Variants in EXPH5 observed in about 807,000 individuals in gnomAD.
The protein encoded by EXPH5 is exophilin-5.
In EXPH5, 42 loss-of-function variants were observed where a neutral mutation model predicts 41.1. The observed-to-expected ratio is 1.02, with a 90% confidence interval of 0.80 to 1.32. The LOEUF (loss-of-function observed/expected upper bound fraction) is 1.32, where lower values mean the gene tolerates loss of function less well. Ranked by LOEUF, EXPH5 falls within the 40% of genes most tolerant of loss-of-function variation. EXPH5 has a pLI of 0.00. For synonymous variants in EXPH5, 798 were observed against 833.5 expected, an observed-to-expected ratio of 0.96 and a Z score of 0.73; for missense variants, 2,298 against 2,314.5, an observed-to-expected ratio of 0.99 and a Z score of 0.15.
At chr11:108,523,167 C>T (rs117698680) in intron 4 of EXPH5, among the ~76,000 whole-genome samples, 2,841 of 152,252 alleles carry the variant, frequency 0.019, 35 homozygotes, top group Middle Eastern at 0.031. Context: ...TGAACCACCA[C>T]GCCCAGCCTC....
At chr11:108,516,337 A>T (rs2093726920) in intron 5 of EXPH5, among the ~76,000 whole-genome samples, 1 of 152,140 alleles carries the variant, frequency 6.6e-6, no homozygotes, top group Non-Finnish European at 1.5e-5. Context: ...AGCCTCTGTG[A>T]TCTTAGACAA....
chr11:108,595,081 A>T (rs1373974509), upstream of EXPH5, among the ~76,000 whole-genome samples: 7 of 152,234 alleles, frequency 4.6e-5, no homozygotes. Context: ...CAGCATACAC[A>T]TGGGACTTTT....
At chr11:108,571,278 G>C (rs1414077752) in intron 1 of EXPH5, among the ~76,000 whole-genome samples, 1 of 152,180 alleles carries the variant, frequency 6.6e-6, no homozygotes, top group Admixed American at 6.5e-5. Context: ...GGCCTTCCCA[G>C]TTACCTACTG....
intron 1 of EXPH5, among the ~76,000 whole-genome samples, chr11:108,556,384 T>C (rs560233407): frequency 6.6e-6 from 1 of 152,284 alleles, no homozygotes; most frequent in South Asian, 2.1e-4. Context: ...AGTGTTTCCA[T>C]TTTGGTGTGA....
chr11:108,511,171 C>T lies in EXPH5; in HGVS notation c.4336G>A (p.Glu1446Lys), dbSNP rs141172581. 3.1e-4 allele frequency: 506 copies of T among 1,613,016 alleles called. No individual in the cohort carries two copies. The highest frequency in any genetic ancestry group is 9.5e-4 in the Admixed American group (57 of 59,746). The change falls in exon 6 of 6, where the codon GAG becomes AAG. Residue 1446 changes from glutamate (E) to lysine (K), a missense_variant. Glu to Lys is a moderately conservative substitution (Grantham distance 56). Transcript: ENST00000265843. ...GNSQTRRSSW[E>K]CTGSGRAIPF... Reference sequence around the variant, plus strand: ...ATGGCTCTACCACTCCCTGTACACTCCCAAGAACTTCTTCTAGTTTGGGAA... The same window carrying T: ...ATGGCTCTACCACTCCCTGTACACTTCCAAGAACTTCTTCTAGTTTGGGAA...
At chr11:108,585,927 T>A (rs1167471891) in intron 1 of EXPH5, among the ~76,000 whole-genome samples, 1 of 152,104 alleles carries the variant, frequency 6.6e-6, no homozygotes, top group Non-Finnish European at 1.5e-5. Context: ...AGGAATGAAT[T>A]ATTTATTTAT....
At chr11:108,548,573 T>C (rs573007843) in intron 1 of EXPH5, among the ~76,000 whole-genome samples, 3 of 152,336 alleles carry the variant, frequency 2.0e-5, no homozygotes, top group South Asian at 4.1e-4. Context: ...TAGTCGATAA[T>C]GGCATTATGT....
At chr11:108,538,969 T>C (rs907744818) in intron 3 of EXPH5, 55 bp downstream of exon 3, 3 of 1,411,232 alleles carry the variant, frequency 2.1e-6, no homozygotes, top group Admixed American at 2.3e-5. Flanking sequence ...AACAGGCTGC[T>C]GGCCTCTGAT....
chr11:108,574,867 T>A (rs555702705), intron 1 of EXPH5, among the ~76,000 whole-genome samples: 3 of 152,330 alleles, frequency 2.0e-5, no homozygotes, highest in African/African-American at 7.2e-5. Context: ...CTATTTCCTT[T>A]TTCTTTCTGC....
At chr11:108,523,560 A>T (rs190096595) in intron 4 of EXPH5, among the ~76,000 whole-genome samples, 1 of 152,312 alleles carries the variant, frequency 6.6e-6, no homozygotes, top group East Asian at 1.9e-4. Context: ...TTGATTTATG[A>T]TATACCAAGG....
At position 108,513,454 on chromosome 11, in the gene EXPH5, G is replaced by C. The variant is rs756470486; in HGVS notation, c.2053C>G (p.Leu685Val). 1.9e-6 allele frequency: 3 copies of C among 1,613,474 alleles called. No individual in the cohort carries two copies. The African/African-American group carries it at 4.0e-5, about 22-fold the overall frequency. The change falls in exon 6 of 6, where the codon CTT (leucine) becomes GTT (valine). Residue 685 changes from leucine (L) to valine (V), a missense_variant. Leu to Val is a conservative substitution (Grantham distance 32). Coordinates refer to ENST00000265843, the MANE Select transcript of EXPH5 (RefSeq NM_015065.3). ...TSSNSVDSLPLAKSQPNILVT... is the reference protein window; with the variant it reads ...TSSNSVDSLPVAKSQPNILVT... ...AAGATATTGGGCTGGCTTTTGGCAAGAGGCAGAGAGTCAACTGAATTGCTG... is the reference window on the plus strand; with the variant it reads ...AAGATATTGGGCTGGCTTTTGGCAACAGGCAGAGAGTCAACTGAATTGCTG...
At position 108,510,064 on chromosome 11, in the gene EXPH5, C is replaced by A. The variant is rs369243209; in HGVS notation, c.5443G>T (p.Val1815Phe). The A allele has an allele frequency of 6.2e-6, 10 of 1,611,908 alleles. No individual in the cohort carries two copies. The highest frequency in any genetic ancestry group is 8.5e-6 in the Non-Finnish European group (10 of 1,179,300). Reference protein sequence around the residue: ...DLLRKSHPPKVRERHFSESTS... With the variant: ...DLLRKSHPPKFRERHFSESTS... The stretch of plus-strand genomic sequence containing the variant: ...CTTTCAGAAAAATGGCGCTCCCTGA[C>A]TTTTGGAGGATGGCTTTTTCGTAGT... Residue 1815 changes from valine (V) to phenylalanine (F), a missense_variant, in exon 6 of 6, where the codon GTC becomes TTC. Coordinates refer to ENST00000265843, the MANE Select transcript of EXPH5 (RefSeq NM_015065.3).
At chr11:108,589,217 A>C (rs543924088) in intron 1 of EXPH5, among the ~76,000 whole-genome samples, 429 of 152,324 alleles carry the variant, frequency 2.8e-3, no homozygotes, top group Non-Finnish European at 4.5e-3. Context: ...GGGCCAATCC[A>C]GTGTCTGGCA....
intron 1 of EXPH5, among the ~76,000 whole-genome samples, chr11:108,559,763 C>T (rs1238129556): frequency 2.0e-5 from 3 of 152,138 alleles, no homozygotes. Context: ...AAAGAGCAGC[C>T]TATGCTATTT....
intron 1 of EXPH5, among the ~76,000 whole-genome samples, chr11:108,558,206 GTGCT>G (rs1229720853): frequency 6.6e-6 from 1 of 152,162 alleles, no homozygotes; most frequent in Non-Finnish European, 1.5e-5. Flanking sequence ...GACTCTCAGA[GTGCT>G]TGGATTACAG....
chr11:108,519,923 G>A (rs182278910), intron 4 of EXPH5, among the ~76,000 whole-genome samples: 30 of 138,370 alleles, frequency 2.2e-4, no homozygotes, highest in African/African-American at 7.6e-4. Flanking sequence ...TGCACTCCAG[G>A]CTGGGAGACA....
At position 108,511,882 on chromosome 11, in the gene EXPH5, C is replaced by G. The variant is rs911732650; in HGVS notation, c.3625G>C (p.Asp1209His). 1 of 1,588,040 alleles carries G rather than the reference C, an allele frequency of 6.3e-7. No homozygotes were observed. Among genetic ancestry groups the G allele is most frequent in the Non-Finnish European group, 8.5e-7 (1 of 1,172,046 alleles). Residue 1209 changes from aspartate to histidine, a missense_variant, in exon 6 of 6, where the codon GAC becomes CAC. Coordinates refer to ENST00000265843, the MANE Select transcript of EXPH5 (RefSeq NM_015065.3). Reference protein sequence around the residue: ...RRSVFALSNEDPLPFCSDLSG... With the variant: ...RRSVFALSNEHPLPFCSDLSG... ...AAGTCTGAGCAAAAAGGTAAAGGGT[C>G]TTCATTTGAAAGAGCAAATACACTT...
intron 3 of EXPH5, among the ~76,000 whole-genome samples, chr11:108,532,360 ATATATATTTTTTTTTTTTTTTT>A (rs1418157524): frequency 0.037 from 772 of 20,886 alleles, 49 homozygotes; most frequent in African/African-American, 0.18. Context: ...ATATATATAT[ATATATATTTTTTTTTTTTTTTT>A]TTTTTTTTTT....
rs1334428530 is a variant in EXPH5 at position 108,505,962 on chromosome 11, T to A, written c.*3575A>T. On this transcript the variant is annotated 3_prime_UTR_variant, in exon 6 of 6. Coordinates refer to ENST00000265843, the MANE Select transcript of EXPH5 (RefSeq NM_015065.3). ...CATCAATGTATTTACAATGTAGGAG[T>A]AAATTATTTAGAGGGGAGTCTCTAA... is the stretch of plus-strand genomic sequence containing the variant. 1 of 152,186 alleles carries A rather than the reference T, an allele frequency of 6.6e-6. No individual in the cohort carries two copies. The highest frequency in any genetic ancestry group is 1.9e-4 in the East Asian group (1 of 5,206). 9.4% of individuals were successfully genotyped at this position (152,186 alleles called of 1,614,324 possible). A position where few individuals can be genotyped will look rare whatever the true frequency, so the allele number is the denominator to read the frequency against.
Sources: gnomAD v4.1 joint callset for allele counts (sites outside exome capture counted in the v4.1 genomes callset) on GRCh38, gnomAD v4.1.1 for gene constraint, MANE v1.5 for transcripts, NCBI Gene and HGNC (gene_info 2026-07-23, HGNC 2026-07-21) for gene names.